The following PPP1R1C variants were observed in gnomAD, a reference collection of about 807,000 sequenced individuals.
PPP1R1C encodes protein phosphatase 1 regulatory subunit 1C.
A neutral mutation model predicts 17.4 loss-of-function variants in PPP1R1C; 15 were observed. The ratio of observed to expected loss-of-function variants is 0.86; its 90% confidence interval spans 0.58 to 1.33. The LOEUF (loss-of-function observed/expected upper bound fraction) is 1.33. Among genes scored for constraint, PPP1R1C ranks in the 40% most tolerant of loss-of-function variants. The pLI, the probability that PPP1R1C is intolerant of heterozygous loss-of-function variation, is 0.00. For synonymous variants in PPP1R1C, 35 were observed against 43.1 expected (o/e 0.81, Z 0.73); for missense variants, 143 against 130.0 (o/e 1.10, Z -0.48).
intron 1 of PPP1R1C, among the ~76,000 whole-genome samples, chr2:181,966,419 A>G (rs1338190406): frequency 1.3e-5 from 2 of 152,174 alleles, no homozygotes; most frequent in East Asian, 3.8e-4. Context: ...TTCCCCATTC[A>G]GTATGATACT....
At chr2:182,063,306 T>C (rs1013709673) in intron 3 of PPP1R1C, among the ~76,000 whole-genome samples, 1 of 152,078 alleles carries the variant, frequency 6.6e-6, no homozygotes, top group Admixed American at 6.6e-5. Flanking sequence ...AGGATCTTCA[T>C]TGTTCCTCTT....
At chr2:181,999,702 C>T (rs907242500) in intron 2 of PPP1R1C, among the ~76,000 whole-genome samples, 5 of 150,424 alleles carry the variant, frequency 3.3e-5, no homozygotes, top group African/African-American at 1.2e-4. Flanking sequence ...TTTTTTCTTT[C>T]TCTTCTTTTG....
chr2:182,045,783 C>G (rs967994092), intron 2 of PPP1R1C, among the ~76,000 whole-genome samples: 2 of 151,948 alleles, frequency 1.3e-5, no homozygotes, highest in Non-Finnish European at 2.9e-5. Context: ...TTCATCCATG[C>G]AAGATATAAA....
At chr2:182,113,303 T>C (rs575610714) in intron 4 of PPP1R1C, among the ~76,000 whole-genome samples, 1 of 152,242 alleles carries the variant, frequency 6.6e-6, no homozygotes, top group Non-Finnish European at 1.5e-5. Flanking sequence ...TAATTTTATT[T>C]CCTTTTCCAG....
At chr2:182,059,218 C>T (rs1559075896) in intron 2 of PPP1R1C, among the ~76,000 whole-genome samples, 1 of 152,032 alleles carries the variant, frequency 6.6e-6, no homozygotes, top group Admixed American at 6.6e-5. Context: ...TTCTTTCAGA[C>T]TAAGTGGTCC....
At position 182,077,215 on chromosome 2, in the gene PPP1R1C, C is replaced by T. The variant is rs539931971; in HGVS notation, c.241+13424C>T. On this transcript the variant is annotated intron_variant, in intron 4 of 4. Transcript: ENST00000682840. ...AGTTTCAGATATGTAAACATTGCTA[C>T]ATTAAACTGTTTGTTTTAAAGTAAC... 1.9e-3 allele frequency among the ~76,000 whole-genome samples: 285 copies of T among 149,836 alleles called. 2 individuals are homozygous for T. The highest frequency in any genetic ancestry group is 7.0e-3 in the African/African-American group (273 of 39,276).
intron 4 of PPP1R1C, among the ~76,000 whole-genome samples, chr2:182,084,486 G>A (rs1688571615): frequency 6.6e-6 from 1 of 152,058 alleles, no homozygotes; most frequent in Non-Finnish European, 1.5e-5. Flanking sequence ...TCTACATGTG[G>A]CTATCCAGTT....
chr2:182,046,732 T>A lies in PPP1R1C; in HGVS notation c.143-14710T>A, dbSNP rs548199886. On this transcript the variant is annotated intron_variant, in intron 2 of 4. Transcript: ENST00000682840. Reference sequence around the variant, plus strand: ...CCAGCCTGGCAACAGAGCGAGTCTCTGTCTCAAGAAAAAAAAAAAAAAGAA... The same window carrying A: ...CCAGCCTGGCAACAGAGCGAGTCTCAGTCTCAAGAAAAAAAAAAAAAAGAA... Among the ~76,000 whole-genome samples the A allele has an allele frequency of 4.7e-5, 7 of 150,286 alleles. No individual in the cohort carries two copies. The South Asian group carries it at 1.5e-3, about 32-fold the overall frequency.
intron 4 of PPP1R1C, among the ~76,000 whole-genome samples, chr2:182,096,460 A>G (rs1253586863): frequency 6.6e-6 from 1 of 152,102 alleles, no homozygotes; most frequent in Non-Finnish European, 1.5e-5. Flanking sequence ...ACGGCTTTCC[A>G]ATGCCCTTAG....
chr2:182,003,816 C>A (rs1685840521), intron 2 of PPP1R1C, among the ~76,000 whole-genome samples: 1 of 152,010 alleles, frequency 6.6e-6, no homozygotes, highest in Non-Finnish European at 1.5e-5. Flanking sequence ...AAAACCATCC[C>A]CTTTTCATTA....
chr2:182,021,235 G>C (rs1423999657), intron 2 of PPP1R1C, among the ~76,000 whole-genome samples: 1 of 151,162 alleles, frequency 6.6e-6, no homozygotes, highest in Non-Finnish European at 1.5e-5. Flanking sequence ...GTGAGGAGTA[G>C]ACCTTTGTGA....
Position 182,038,813 on chromosome 2 carries a change from C to G in PPP1R1C, c.143-22629C>G, listed in dbSNP as rs148634381. Reference sequence around the variant, plus strand: ...GAATGTAGTGCTCAGTTCTAAGGATCAGCTTTTAAGAGTCATCAACTGCTA... The same window carrying G: ...GAATGTAGTGCTCAGTTCTAAGGATGAGCTTTTAAGAGTCATCAACTGCTA... On this transcript the variant is annotated intron_variant, in intron 2 of 4. Coordinates refer to ENST00000682840, the MANE Select transcript of PPP1R1C (RefSeq NM_001080545.3). 5.9e-5 allele frequency among the ~76,000 whole-genome samples: 9 copies of G among 152,296 alleles called. No homozygotes were observed. In the East Asian group the frequency reaches 1.7e-3, roughly 29 times the overall value.
rs149105140 is a variant in PPP1R1C at position 182,076,442 on chromosome 2, T to C, written c.241+12651T>C. Among the ~76,000 whole-genome samples, 575 of 151,926 alleles carry C rather than the reference T, an allele frequency of 3.8e-3. 5 individuals are homozygous for C. Among genetic ancestry groups the C allele is most frequent in the African/African-American group, 0.013 (551 of 41,422 alleles). On this transcript the variant is annotated intron_variant, in intron 4 of 4. Coordinates refer to ENST00000682840, the MANE Select transcript of PPP1R1C (RefSeq NM_001080545.3). ...CTCTCCTACTGTCTGTTCATCTTTT[T>C]TAAAAATGCAAGCAAGAAGTACTTG...
Position 181,957,222 on chromosome 2 carries a change from T to C in PPP1R1C, n.111+2588T>C, listed in dbSNP as rs1383703570. On this transcript the variant is annotated intron_variant and non_coding_transcript_variant, in intron 1 of 5. Coordinates refer to the PPP1R1C transcript ENST00000464264. The surrounding 1 kb of genome is among the most constrained non-coding windows in gnomAD (Gnocchi z 4.2). Reference sequence around the variant, plus strand: ...CAAAAATACAAAAATTAGCCAGGCATGGTAGTGCACCCCTGTAATCCCAGC... The same window carrying C: ...CAAAAATACAAAAATTAGCCAGGCACGGTAGTGCACCCCTGTAATCCCAGC... Among the ~76,000 whole-genome samples, 1 of 152,164 alleles carries C rather than the reference T, an allele frequency of 6.6e-6. No individual in the cohort carries two copies. The highest frequency in any genetic ancestry group is 1.5e-5 in the Non-Finnish European group (1 of 68,024).
At position 181,966,122 on chromosome 2, in the gene PPP1R1C, A is replaced by G. The variant is rs554427224; in HGVS notation, n.112-9097A>G. Among the ~76,000 whole-genome samples the G allele has an allele frequency of 1.6e-3, 248 of 152,292 alleles. 1 individual carries two copies. The highest frequency in any genetic ancestry group is 5.7e-3 in the African/African-American group (238 of 41,570). On this transcript the variant is annotated intron_variant and non_coding_transcript_variant, in intron 1 of 5. Coordinates refer to the PPP1R1C transcript ENST00000464264. Reference sequence around the variant, plus strand: ...TTTTCAGATTGTTCACTGTTGGCATATAGAAGCACTACTAATTTTTATATG... The same window carrying G: ...TTTTCAGATTGTTCACTGTTGGCATGTAGAAGCACTACTAATTTTTATATG...
intron 1 of PPP1R1C, among the ~76,000 whole-genome samples, chr2:181,970,206 T>C (rs1684981202): frequency 6.6e-6 from 1 of 152,122 alleles, no homozygotes; most frequent in Non-Finnish European, 1.5e-5. Flanking sequence ...TATTGGTGTC[T>C]GGGCGTTGAA....
At chr2:182,094,625 C>T (rs760651353) in intron 4 of PPP1R1C, among the ~76,000 whole-genome samples, 1 of 152,148 alleles carries the variant, frequency 6.6e-6, no homozygotes, top group Non-Finnish European at 1.5e-5. Context: ...GGCAGACAAC[C>T]GACAGTCTAG....
chr2:182,100,795 G>A (rs899001327), intron 4 of PPP1R1C, among the ~76,000 whole-genome samples: 1 of 152,162 alleles, frequency 6.6e-6, no homozygotes, highest in African/African-American at 2.4e-5. Context: ...GTCATCAGGA[G>A]CAAACAATAT....
chr2:182,070,168 G>A (rs1688100514), intron 4 of PPP1R1C, among the ~76,000 whole-genome samples: 1 of 152,180 alleles, frequency 6.6e-6, no homozygotes, highest in South Asian at 2.1e-4. Context: ...GATCACAGAA[G>A]GGACAGTCAT....
Sources: allele counts gnomAD v4.1 joint callset (sites outside exome capture counted in the v4.1 genomes callset), GRCh38; gene constraint gnomAD v4.1.1; non-coding constraint Gnocchi (gnomAD v3.1); transcripts MANE v1.5; gene names NCBI Gene and HGNC (gene_info 2026-07-23, HGNC 2026-07-21).